The following EBF4 variants were observed in gnomAD, a reference collection of about 807,000 sequenced individuals.
The protein encoded by EBF4 is transcription factor COE4.
Under a neutral mutation model 67.1 loss-of-function variants are expected in EBF4, and 34 were observed. The ratio of observed to expected loss-of-function variants is 0.51; its 90% CI spans 0.39 to 0.67. The LOEUF (loss-of-function observed/expected upper bound fraction) is 0.67. EBF4 is among the 30% of genes least tolerant of loss of function. EBF4 has a pLI of 0.00. For synonymous variants in EBF4, 387 were observed against 377.7 expected, an observed-to-expected ratio of 1.02 and a Z score of -0.29; for missense variants, 837 against 873.3, an observed-to-expected ratio of 0.96 and a Z score of 0.52.
At chr20:2,706,141 A>AT in intron 3 of EBF4, 68 bp from the exon 4 acceptor site, 4 of 1,549,902 alleles carry the variant, frequency 2.6e-6, no homozygotes, top group Non-Finnish European at 3.5e-6. Flanking sequence ...GGAGGGTGTG[A>AT]TGTGGTCTGG....
chr20:2,749,777 C>A, intron 9 of EBF4, 24 bp downstream of exon 9: 1 of 1,540,444 alleles, frequency 6.5e-7, no homozygotes, highest in South Asian at 1.2e-5. Flanking sequence ...GCCAGTCTCC[C>A]TCTGGGCCTA....
At chr20:2,749,647 G>C in exon 9 of EBF4, 3 of 1,565,462 alleles carry the variant, frequency 1.9e-6, no homozygotes, top group Non-Finnish European at 1.7e-6. Context: ...AAGGCCATCA[G>C]CCCCGGGGAG....
intron 1 of EBF4, among the ~76,000 whole-genome samples, chr20:2,698,569 G>A (rs1422892328): frequency 6.6e-6 from 1 of 152,150 alleles, no homozygotes; most frequent in Non-Finnish European, 1.5e-5. Context: ...GGAGGAAGGG[G>A]GGATGTAGAG....
At chr20:2,700,731 T>C (rs975716346) in intron 1 of EBF4, among the ~76,000 whole-genome samples, 1 of 120,644 alleles carries the variant, frequency 8.3e-6, no homozygotes, top group Non-Finnish European at 1.8e-5. Flanking sequence ...TGTAATCAGC[T>C]TGTAATCTCC....
chr20:2,695,347 CTGCG>C (rs1297781605), intron 1 of EBF4, among the ~76,000 whole-genome samples: 1 of 152,134 alleles, frequency 6.6e-6, no homozygotes, highest in Admixed American at 6.5e-5. Context: ...CCCTTGGAGA[CTGCG>C]TGGGGTTCAA....
chr20:2,698,940 T>C (rs2087336260), intron 1 of EBF4, among the ~76,000 whole-genome samples: 1 of 152,042 alleles, frequency 6.6e-6, no homozygotes, highest in African/African-American at 2.4e-5. Context: ...TTGTCCTCTG[T>C]GGGATTTGAG....
In EBF4 at chr20:2,693,800, A is replaced by C; in HGVS notation, c.137+18A>C. 1.6e-6 allele frequency: 2 copies of C among 1,274,392 alleles called. No individual in the cohort carries two copies. Among genetic ancestry groups the C allele is most frequent in the Non-Finnish European group, 2.0e-6 (2 of 1,009,460 alleles). 78.9% of individuals were successfully genotyped at this position (1,274,392 alleles called of 1,614,324 possible). A position where few individuals can be genotyped will look rare whatever the true frequency, so the allele number is the denominator to read the frequency against. On this transcript the variant is annotated intron_variant, in intron 1 of 16. Coordinates refer to ENST00000609451, the Ensembl canonical transcript of EBF4. The surrounding 1 kb of genome is among the most constrained non-coding windows in gnomAD (Gnocchi z 4.6). ...GCGCAGAGGTAAGCGCTCGGACCGGACCCGGTGCGCTCGGGTTGGACGGCT... is the reference window on the plus strand; with the variant it reads ...GCGCAGAGGTAAGCGCTCGGACCGGCCCCGGTGCGCTCGGGTTGGACGGCT...
At chr20:2,724,828 C>T (rs112916871) in intron 6 of EBF4, among the ~76,000 whole-genome samples, 2,944 of 152,240 alleles carry the variant, frequency 0.019, 61 homozygotes, top group Middle Eastern at 0.065. Flanking sequence ...CATCTGAGCC[C>T]AGGAGCTGGG....
At chr20:2,709,595 C>G (rs2087511697) in exon 6 of EBF4, 1 of 1,557,928 alleles carries the variant, frequency 6.4e-7, no homozygotes, top group Non-Finnish European at 8.7e-7. Context: ...ACCGGAAGAG[C>G]TGTGGCAACC....
At chr20:2,743,529 C>A (rs2087998969) in intron 6 of EBF4, among the ~76,000 whole-genome samples, 1 of 151,988 alleles carries the variant, frequency 6.6e-6, no homozygotes, top group African/African-American at 2.4e-5. Context: ...ATGAGGGAAC[C>A]AATGGGATGA....
intron 5 of EBF4, among the ~76,000 whole-genome samples, chr20:2,708,260 G>T (rs2087487970): frequency 6.6e-6 from 1 of 152,206 alleles, no homozygotes; most frequent in South Asian, 2.1e-4. Context: ...GAGTGTTTTT[G>T]TAAGAGAGGC....
intron 6 of EBF4, among the ~76,000 whole-genome samples, chr20:2,735,656 A>C (rs2087867434): frequency 6.6e-6 from 1 of 152,224 alleles, no homozygotes; most frequent in Admixed American, 6.5e-5. Flanking sequence ...TCCAGCATTC[A>C]TCCAGTCACA....
intron 1 of EBF4, among the ~76,000 whole-genome samples, chr20:2,695,695 C>T (rs2087278860): frequency 6.6e-6 from 1 of 152,206 alleles, no homozygotes; most frequent in Non-Finnish European, 1.5e-5. Flanking sequence ...ACAGTTGTAT[C>T]TGGTTCCTCA....
chr20:2,757,258 T>A (rs2088259348), intron 15 of EBF4, among the ~76,000 whole-genome samples: 1 of 152,164 alleles, frequency 6.6e-6, no homozygotes, highest in African/African-American at 2.4e-5. Context: ...CTGAGGATGA[T>A]ACATGTCCGC....
chr20:2,758,278 G>A (rs1048602380), intron 15 of EBF4, among the ~76,000 whole-genome samples: 1 of 152,242 alleles, frequency 6.6e-6, no homozygotes, highest in Admixed American at 6.5e-5. Flanking sequence ...GACGTCACAT[G>A]CCCCAGAATA....
upstream of EBF4, among the ~76,000 whole-genome samples, chr20:2,693,300 G>A (rs2087237096): frequency 6.7e-6 from 1 of 149,274 alleles, no homozygotes; most frequent in South Asian, 2.1e-4. This position sits in a 1 kb window ranked among gnomAD's most constrained non-coding sequence, Gnocchi z 4.6. Context: ...GCGGCCCCGG[G>A]CAGCCGCCAG....
At chr20:2,697,372 C>T (rs951735018) in intron 1 of EBF4, among the ~76,000 whole-genome samples, 5 of 151,726 alleles carry the variant, frequency 3.3e-5, no homozygotes, top group African/African-American at 4.8e-5. Flanking sequence ...GGTGAAACCC[C>T]GTCTCTACTA....
At position 2,712,735 on chromosome 20, in the gene EBF4, G is replaced by A. The variant is rs1156385577; in HGVS notation, c.557+3093G>A. On this transcript the variant is annotated intron_variant, in intron 6 of 16. Transcript: ENST00000609451. ...AATCCTGAGGTGTCTAGTATTTAGAGGTCATGGAGATGTGGAACCAGCAAA... is the reference window on the plus strand; with the variant it reads ...AATCCTGAGGTGTCTAGTATTTAGAAGTCATGGAGATGTGGAACCAGCAAA... Among the ~76,000 whole-genome samples the A allele has an allele frequency of 2.0e-5, 3 of 152,142 alleles. No homozygotes were observed. The East Asian group carries it at 5.8e-4, about 29-fold the overall frequency.
intron 6 of EBF4, among the ~76,000 whole-genome samples, chr20:2,721,246 C>CTTTTTTTTTTTTTTTT (rs146844927): frequency 2.8e-5 from 3 of 108,122 alleles, no homozygotes; most frequent in Admixed American, 1.0e-4. Flanking sequence ...TGATTCTCTT[C>CTTTTTTTTTTTTTTTT]TTTTTTTTTT....
Sources: gnomAD v4.1 joint callset for allele counts (sites outside exome capture counted in the v4.1 genomes callset) on GRCh38, gnomAD v4.1.1 for gene constraint, Gnocchi (gnomAD v3.1) non-coding constraint, MANE v1.5 for transcripts, NCBI Gene and HGNC (gene_info 2026-07-23, HGNC 2026-07-21) for gene names.